Variants in MMD observed in about 807,000 individuals in gnomAD.
MMD encodes monocyte to macrophage differentiation associated.
MMD carries 22 observed loss-of-function variants against 33.6 expected under a neutral mutation model. That is an observed-to-expected ratio of 0.66 (90% CI 0.47 to 0.94). MMD has a LOEUF of 0.94. Ranked by LOEUF, MMD falls within the 40% of genes least tolerant of loss-of-function variation. MMD has a pLI of 0.00. For missense variants in MMD, 242 were observed against 309.8 expected (o/e 0.78, Z 1.64); for synonymous variants, 97 against 103.2 (o/e 0.94, Z 0.36).
chr17:55,411,209 T>C (rs759507354), intron 3 of MMD, 48 bp downstream of exon 3: 33 of 1,573,752 alleles, frequency 2.1e-5, no homozygotes, highest in African/African-American at 6.8e-5. Flanking sequence ...ACCAAACACG[T>C]TGAGTCAACT....
intron 6 of MMD, among the ~76,000 whole-genome samples, chr17:55,397,788 C>T (rs576040879): frequency 5.3e-5 from 8 of 152,098 alleles, no homozygotes; most frequent in Admixed American, 1.3e-4. Context: ...ATGATCCACC[C>T]GCCTCAGCCT....
At chr17:55,400,514 A>C (rs192171681) in intron 6 of MMD, among the ~76,000 whole-genome samples, 1 of 151,206 alleles carries the variant, frequency 6.6e-6, no homozygotes, top group African/African-American at 2.4e-5. Flanking sequence ...GCTCTACTGC[A>C]CTCCAGCTGG....
chr17:55,409,073 A>T (rs1323200308), intron 3 of MMD, among the ~76,000 whole-genome samples: 1 of 152,232 alleles, frequency 6.6e-6, no homozygotes, highest in Non-Finnish European at 1.5e-5. Flanking sequence ...ATAAAAAAAA[A>T]GTTTTAAAGG....
chr17:55,398,885 C>T (rs1002901088), intron 6 of MMD, among the ~76,000 whole-genome samples: 7 of 152,202 alleles, frequency 4.6e-5, no homozygotes, highest in Admixed American at 6.5e-5. Flanking sequence ...TCCGGAATTT[C>T]CATTTATCTT....
rs552314055 is a variant in MMD, at chr17:55,406,568, A to AAAAC, written c.344+1174_344+1177dup. Reference sequence around the variant, plus strand: ...GGGCAACATAGTGAGACTCTGTCTCAAAACAAACAAACAAACAAACAAACA... The same window carrying AAAAC: ...GGGCAACATAGTGAGACTCTGTCTCAAAACAAACAAACAAACAAACAAACAAACA... On this transcript the variant is annotated intron_variant, in intron 4 of 6. Coordinates refer to ENST00000262065, the MANE Select transcript of MMD (RefSeq NM_012329.3). Among the ~76,000 whole-genome samples the AAAAC allele has an allele frequency of 6.6e-3, 1,000 of 151,932 alleles. 10 individuals are homozygous for AAAAC. Among genetic ancestry groups the AAAAC allele is most frequent in the African/African-American group, 0.022 (895 of 41,406 alleles).
At chr17:55,418,518 C>A (rs1012128112) in intron 1 of MMD, among the ~76,000 whole-genome samples, 2 of 152,216 alleles carry the variant, frequency 1.3e-5, no homozygotes, top group African/African-American at 4.8e-5. Context: ...CACACACACA[C>A]AAAAACACTT....
chr17:55,412,231 A>C (rs887839803), intron 2 of MMD, among the ~76,000 whole-genome samples: 5 of 152,346 alleles, frequency 3.3e-5, no homozygotes, highest in African/African-American at 1.2e-4. Flanking sequence ...ACACATACAA[A>C]AAGTCAGTTG....
At chr17:55,403,706 G>GC in intron 5 of MMD, 61 bp downstream of exon 5, 1 of 1,182,196 alleles carries the variant, frequency 8.5e-7, no homozygotes, top group Non-Finnish European at 1.2e-6. Flanking sequence ...TTGTATTGCA[G>GC]TGCAGATAAT....
chr17:55,394,068 T>A lies in MMD; in HGVS notation c.*266A>T, dbSNP rs2143110158. ...TCTGTAAAATTAAAATATAAAAGTCTGGTTTGTAAACATCAGTTGGCCAAG... is the reference window on the plus strand; with the variant it reads ...TCTGTAAAATTAAAATATAAAAGTCAGGTTTGTAAACATCAGTTGGCCAAG... On this transcript the variant is annotated 3_prime_UTR_variant, in exon 7 of 7. Coordinates refer to ENST00000262065, the MANE Select transcript of MMD (RefSeq NM_012329.3). The A allele has an allele frequency of 3.6e-6, 1 of 276,834 alleles. No homozygotes were observed. The highest frequency in any genetic ancestry group is 6.4e-5 in the East Asian group (1 of 15,612). The allele number at this position is 276,834 out of a possible 1,614,324, so 17.1% of individuals were successfully genotyped here.
At chr17:55,406,802 C>G (rs369269225) in intron 4 of MMD, among the ~76,000 whole-genome samples, 3 of 152,246 alleles carry the variant, frequency 2.0e-5, no homozygotes, top group South Asian at 2.1e-4. Context: ...GGGAGAATCA[C>G]TTGAATCTGA....
At chr17:55,418,482 C>A (rs1908054755) in intron 1 of MMD, among the ~76,000 whole-genome samples, 3 of 152,182 alleles carry the variant, frequency 2.0e-5, no homozygotes, top group African/African-American at 7.2e-5. Flanking sequence ...AACAGGCAGC[C>A]TTGGAACCAA....
In MMD at chr17:55,394,211, A is replaced by T; in HGVS notation, c.*123T>A. ...GCCTTTATACTTTCACAGTAATTAT[A>T]TTCAAAAGATATAAAGTCAGTGCAG... is the stretch of plus-strand genomic sequence containing the variant. On this transcript the variant is annotated 3_prime_UTR_variant, in exon 7 of 7. Transcript: ENST00000262065. 1 of 719,410 alleles carries T rather than the reference A, an allele frequency of 1.4e-6. No individual in the cohort carries two copies. Among genetic ancestry groups the T allele is most frequent in the Non-Finnish European group, 2.1e-6 (1 of 483,620 alleles). The allele number at this position is 719,410 out of a possible 1,614,324, so 44.6% of individuals were successfully genotyped here.
chr17:55,401,710 GCTGAGTAA>G (rs1351462013), intron 5 of MMD, among the ~76,000 whole-genome samples, 172 bp from the exon 6 acceptor site: 1 of 152,166 alleles, frequency 6.6e-6, no homozygotes, highest in Non-Finnish European at 1.5e-5. Flanking sequence ...AAACACAGTA[GCTGAGTAA>G]CAAGGAACTA....
In MMD at chr17:55,421,719, G is replaced by A. The variant is rs1478553079; in HGVS notation, c.-24C>T. ...ATTGATCCTCTGCTCCTCCTCGGGG[G>A]CCAGGAGCTCCGTCTCGTCAGCACC... On this transcript the variant is annotated 5_prime_UTR_variant, in exon 1 of 7. Transcript: ENST00000262065. The A allele has an allele frequency of 6.3e-7, 1 of 1,584,486 alleles. No homozygotes were observed. The highest frequency in any genetic ancestry group is 8.6e-7 in the Non-Finnish European group (1 of 1,166,464).
Position 55,421,742 on chromosome 17 carries a change from A to G in MMD, c.-47T>C. 6.4e-7 allele frequency: 1 copy of G among 1,562,754 alleles called. No homozygotes were observed. Among genetic ancestry groups the G allele is most frequent in the Non-Finnish European group, 8.6e-7 (1 of 1,158,394 alleles). On this transcript the variant is annotated 5_prime_UTR_variant, in exon 1 of 7. Transcript: ENST00000262065. Reference sequence around the variant, plus strand: ...GGGCCAGGAGCTCCGTCTCGTCAGCACCGGCGGCCGGGCGCGCGGCCCTCA... The same window carrying G: ...GGGCCAGGAGCTCCGTCTCGTCAGCGCCGGCGGCCGGGCGCGCGGCCCTCA...
chr17:55,402,357 CTG>C (rs1169380304), intron 5 of MMD, among the ~76,000 whole-genome samples: 1 of 152,144 alleles, frequency 6.6e-6, no homozygotes, highest in Non-Finnish European at 1.5e-5. Context: ...CCTGCACAAA[CTG>C]TAATTTTAAG....
chr17:55,414,002 G>A, intron 2 of MMD, 149 bp downstream of exon 2: 2 of 703,116 alleles, frequency 2.8e-6, no homozygotes, highest in Non-Finnish European at 2.5e-6. Flanking sequence ...CATAGTTTCT[G>A]GTGACACGAC....
intron 3 of MMD, among the ~76,000 whole-genome samples, chr17:55,409,860 T>C (rs1408258280): frequency 1.3e-5 from 2 of 152,178 alleles, no homozygotes; most frequent in East Asian, 1.9e-4. Flanking sequence ...GAAGGTAATA[T>C]AGTACTTTGC....
intron 6 of MMD, among the ~76,000 whole-genome samples, chr17:55,397,320 C>T (rs1907138887): frequency 6.6e-6 from 1 of 151,934 alleles, no homozygotes; most frequent in South Asian, 2.1e-4. Context: ...CACCACCACG[C>T]CCAGCTAATT....
Sources: gnomAD v4.1 joint callset for allele counts (sites outside exome capture counted in the v4.1 genomes callset) on GRCh38, gnomAD v4.1.1 for gene constraint, MANE v1.5 for transcripts, NCBI Gene and HGNC (gene_info 2026-07-23, HGNC 2026-07-21) for gene names.